Variants in C14orf132 observed in about 807,000 individuals in gnomAD.
The protein encoded by C14orf132 is chromosome 14 open reading frame 132, also known as uncharacterized protein C14orf132.
C14orf132 carries 6 observed loss-of-function variants against 5.8 expected under a neutral mutation model. The observed-to-expected ratio is 1.03, with a 90% CI of 0.57 to 2.04. The LOEUF is 2.04. Ranked by LOEUF, C14orf132 falls within the 30% of genes most tolerant of loss-of-function variation. C14orf132 has a pLI of 0.00. For missense variants in C14orf132, 125 were observed against 115.8 expected, an observed-to-expected ratio of 1.08 and a Z score of -0.37; for synonymous variants, 51 against 49.8, an observed-to-expected ratio of 1.02 and a Z score of -0.10.
intron 1 of C14orf132, among the ~76,000 whole-genome samples, chr14:96,083,641 G>A (rs749976969): frequency 7.2e-5 from 11 of 152,158 alleles, no homozygotes; most frequent in African/African-American, 1.4e-4. Flanking sequence ...GAATGTGAGC[G>A]GCCTCTAGAA....
chr14:96,055,230 G>A (rs944673678), intron 1 of C14orf132, among the ~76,000 whole-genome samples: 1 of 152,172 alleles, frequency 6.6e-6, no homozygotes, highest in Non-Finnish European at 1.5e-5. Flanking sequence ...TGGGTTCCGC[G>A]CATGCCATGG....
In C14orf132 at chr14:96,091,184, A is replaced by G. The variant is rs531677576; in HGVS notation, c.*4449A>G. On this transcript the variant is annotated 3_prime_UTR_variant, in exon 2 of 2. Transcript: ENST00000555004. The stretch of plus-strand genomic sequence containing the variant: ...AGAGGCACCCTGCATCATGCCCACC[A>G]GGGTGATCCCCCTGGGATGGACCAT... 289 of 376,246 alleles carry G rather than the reference A, an allele frequency of 7.7e-4. 1 individual carries two copies. Among genetic ancestry groups the G allele is most frequent in the Admixed American group, 1.7e-3 (52 of 30,572 alleles). 23.3% of individuals were successfully genotyped at this position (376,246 alleles called of 1,614,324 possible).
chr14:96,040,612 T>C (rs1296375017), intron 1 of C14orf132, among the ~76,000 whole-genome samples: 3 of 152,164 alleles, frequency 2.0e-5, no homozygotes, highest in African/African-American at 4.8e-5. Context: ...CCAGACTGTG[T>C]GTGGACAGCG....
chr14:96,040,460 G>C (rs1566820333), intron 1 of C14orf132: 2 of 389,892 alleles, frequency 5.1e-6, no homozygotes, highest in Non-Finnish European at 9.1e-6. Context: ...GGCCACCCAG[G>C]CTCCCTTCTG....
At position 96,090,509 on chromosome 14, in the gene C14orf132, C is replaced by T. The variant is rs61985272; in HGVS notation, c.*3774C>T. On this transcript the variant is annotated 3_prime_UTR_variant, in exon 2 of 2. Transcript: ENST00000555004. ...CAGACGCCGCTGTAGCCAGGCCTGT[C>T]TTAAGAGGACTTGTGCTTCCAGGGA... is the stretch of plus-strand genomic sequence containing the variant. The T allele has an allele frequency of 0.35, 150,732 of 427,792 alleles. 27,925 individuals are homozygous for T. Among genetic ancestry groups the T allele is most frequent in the East Asian group, 0.54 (7,641 of 14,096 alleles). 26.5% of individuals were successfully genotyped at this position (427,792 alleles called of 1,614,324 possible).
chr14:96,067,243 G>A (rs574582763), intron 1 of C14orf132, among the ~76,000 whole-genome samples: 286 of 152,290 alleles, frequency 1.9e-3, no homozygotes, highest in Middle Eastern at 6.8e-3. Context: ...AGGTGGCCGC[G>A]TGAGCACACC....
chr14:96,042,106 A>G (rs933345000), intron 1 of C14orf132, among the ~76,000 whole-genome samples: 1 of 152,242 alleles, frequency 6.6e-6, no homozygotes, highest in Non-Finnish European at 1.5e-5. Flanking sequence ...CAGGACTTTG[A>G]GAATGGGGGC....
chr14:96,090,490 C>T lies in C14orf132; in HGVS notation c.*3755C>T, dbSNP rs1476618188. ...AAGGTCTTTGAGAAGAGGCCAGACGCCGCTGTAGCCAGGCCTGTCTTAAGA... is the reference window on the plus strand; with the variant it reads ...AAGGTCTTTGAGAAGAGGCCAGACGTCGCTGTAGCCAGGCCTGTCTTAAGA... On this transcript the variant is annotated 3_prime_UTR_variant, in exon 2 of 2. Coordinates refer to ENST00000555004, the MANE Select transcript of C14orf132 (RefSeq NM_001252507.3). 2.5e-6 allele frequency: 1 copy of T among 393,518 alleles called. No homozygotes were observed. Among genetic ancestry groups the T allele is most frequent in the Non-Finnish European group, 5.1e-6 (1 of 195,878 alleles). 24.4% of individuals were successfully genotyped at this position (393,518 alleles called of 1,614,324 possible). A position where few individuals can be genotyped will look rare whatever the true frequency, so the allele number is the denominator to read the frequency against.
intron 1 of C14orf132, among the ~76,000 whole-genome samples, chr14:96,049,183 G>A (rs982409898): frequency 1.3e-5 from 2 of 152,116 alleles, no homozygotes; most frequent in African/African-American, 2.4e-5. Context: ...GGAGGCCAAG[G>A]CAGGCAGATC....
At chr14:96,053,583 C>G (rs941824783) in intron 1 of C14orf132, among the ~76,000 whole-genome samples, 18 of 152,244 alleles carry the variant, frequency 1.2e-4, no homozygotes, top group African/African-American at 4.3e-4. Context: ...GGCAGGCCCC[C>G]TCCTCTTCTG....
At chr14:96,047,307 A>C (rs116808716) in intron 1 of C14orf132, among the ~76,000 whole-genome samples, 1 of 152,296 alleles carries the variant, frequency 6.6e-6, no homozygotes, top group African/African-American at 2.4e-5. Context: ...TATGACTTGA[A>C]ACAATGGAAT....
chr14:96,049,488 ATATATATACG>A (rs920807692), intron 1 of C14orf132, among the ~76,000 whole-genome samples: 4 of 145,948 alleles, frequency 2.7e-5, no homozygotes, highest in South Asian at 2.1e-4. Flanking sequence ...ATATATATGC[ATATATATACG>A]TATATATACG....
rs145981326 is a variant in C14orf132 at position 96,077,174 on chromosome 14, C to T, written c.28-9337C>T. 5.6e-4 allele frequency among the ~76,000 whole-genome samples: 85 copies of T among 152,332 alleles called. No individual in the cohort carries two copies. The Middle Eastern group carries it at 0.014, about 24-fold the overall frequency. ...GTTAGATCTTGTTGGTTGATGGTGA[C>T]ATTCAGGTCTTCTGTGTCCTTGTTG... On this transcript the variant is annotated intron_variant, in intron 1 of 1. Coordinates refer to ENST00000555004, the MANE Select transcript of C14orf132 (RefSeq NM_001252507.3).
intron 1 of C14orf132, among the ~76,000 whole-genome samples, chr14:96,040,908 C>T (rs1026335387): frequency 1.3e-5 from 2 of 152,140 alleles, no homozygotes; most frequent in African/African-American, 4.8e-5. Flanking sequence ...TGTCTGCCTT[C>T]CCCTCTGGAT....
At chr14:96,048,338 A>G (rs540926208) in intron 1 of C14orf132, among the ~76,000 whole-genome samples, 66 of 152,244 alleles carry the variant, frequency 4.3e-4, no homozygotes, top group Non-Finnish European at 8.2e-4. Flanking sequence ...TCTGGGCTGC[A>G]TGTATTTGCC....
intron 1 of C14orf132, among the ~76,000 whole-genome samples, chr14:96,069,682 G>A (rs943672170): frequency 1.3e-5 from 2 of 152,178 alleles, no homozygotes; most frequent in Admixed American, 1.3e-4. Flanking sequence ...CATCTGACCA[G>A]GGACCTCCAT....
intron 1 of C14orf132, among the ~76,000 whole-genome samples, chr14:96,067,783 C>T (rs1408350715): frequency 1.3e-5 from 2 of 152,000 alleles, no homozygotes; most frequent in African/African-American, 4.8e-5. Flanking sequence ...GTAGGCGTGC[C>T]CTCTACCTTC....
intron 1 of C14orf132, among the ~76,000 whole-genome samples, chr14:96,045,571 T>C (rs1018802388): frequency 4.6e-5 from 7 of 152,206 alleles, no homozygotes; most frequent in Admixed American, 3.3e-4. Flanking sequence ...TGGATGGGGC[T>C]TTGGAGCTCT....
chr14:96,090,923 T>C lies in C14orf132; in HGVS notation c.*4188T>C. 2.2e-6 allele frequency: 1 copy of C among 456,142 alleles called. No individual in the cohort carries two copies. Among genetic ancestry groups the C allele is most frequent in the Non-Finnish European group, 4.4e-6 (1 of 226,818 alleles). 28.3% of individuals were successfully genotyped at this position (456,142 alleles called of 1,614,324 possible). On this transcript the variant is annotated 3_prime_UTR_variant, in exon 2 of 2. Coordinates refer to ENST00000555004, the MANE Select transcript of C14orf132 (RefSeq NM_001252507.3). ...CCTTCTTCAGAAGCATCATCTGCCT[T>C]CATTATTAGCAGTAATATTATTCCC...
Sources: allele counts gnomAD v4.1 joint callset (sites outside exome capture counted in the v4.1 genomes callset), GRCh38; gene constraint gnomAD v4.1.1; transcripts MANE v1.5; gene names NCBI Gene and HGNC (gene_info 2026-07-23, HGNC 2026-07-21).